XPO5: variants seen among roughly 807,000 people sequenced by gnomAD.
XPO5 encodes exportin 5.
XPO5 carries 46 observed loss-of-function variants against 160.6 expected under a neutral mutation model. The ratio of observed to expected loss-of-function variants is 0.29; its 90% CI spans 0.23 to 0.37. XPO5 has a LOEUF of 0.37. XPO5 is among the 10% of genes least tolerant of loss of function. The pLI, the probability that XPO5 is intolerant of heterozygous loss-of-function variation, is 1.00. For synonymous variants in XPO5, 537 were observed against 519.3 expected, an observed-to-expected ratio of 1.03 and a Z score of -0.46; for missense variants, 1,090 against 1,463.9, an observed-to-expected ratio of 0.74 and a Z score of 4.17.
chr6:43,527,903 ACT>A (rs1310486528), intron 25 of XPO5, among the ~76,000 whole-genome samples, 172 bp from the exon 26 acceptor site: 10 of 152,170 alleles, frequency 6.6e-5, no homozygotes, highest in African/African-American at 9.7e-5. Context: ...ATTACTAGTG[ACT>A]CTGTCCAGTT....
chr6:43,563,205 G>C (rs1762500848), intron 8 of XPO5, among the ~76,000 whole-genome samples: 1 of 152,156 alleles, frequency 6.6e-6, no homozygotes, highest in South Asian at 2.1e-4. Flanking sequence ...GCTCACTGAA[G>C]CCTCAAACTA....
intron 20 of XPO5, 113 bp downstream of exon 20, chr6:43,546,458 A>G (rs1794968998): frequency 9.5e-7 from 1 of 1,051,140 alleles, no homozygotes; most frequent in Non-Finnish European, 1.3e-6. Context: ...ATAAGACTTA[A>G]ATCAATCCCT....
Position 43,572,526 on chromosome 6 carries a change from C to A in XPO5, c.280G>T (p.Val94Phe). Residue 94 changes from valine to phenylalanine, a missense_variant, in exon 3 of 32, where the codon GTC becomes TTC. By Grantham distance (50) the Val-to-Phe change is conservative. Coordinates refer to ENST00000265351, the MANE Select transcript of XPO5 (RefSeq NM_020750.3). ...CTTACATTTGCAATCAGCTCCATGA[C>A]ACTGTTCTTCAGATACACCTTCTCC... ...RLEKVYLKNS[V>F]MELIANGTLN... The A allele has an allele frequency of 6.2e-7, 1 of 1,613,960 alleles. No individual in the cohort carries two copies. Among genetic ancestry groups the A allele is most frequent in the Non-Finnish European group, 8.5e-7 (1 of 1,179,888 alleles).
Position 43,542,398 on chromosome 6 carries a change from GTAAT to G in XPO5, c.2342+4169_2342+4172del, listed in dbSNP as rs954013975. Among the ~76,000 whole-genome samples, 8 of 151,942 alleles carry G rather than the reference GTAAT, an allele frequency of 5.3e-5. 1 individual carries two copies. The highest frequency in any genetic ancestry group is 1.3e-4 in the Admixed American group (2 of 15,254). On this transcript the variant is annotated intron_variant, in intron 20 of 31. Coordinates refer to ENST00000265351, the MANE Select transcript of XPO5 (RefSeq NM_020750.3). ...CAAACTTTTCTCTACTAAAAAAATA[GTAAT>G]TTATTTATTTTTCAATTTTTTTTTT...
intron 8 of XPO5, among the ~76,000 whole-genome samples, chr6:43,563,386 TG>T: frequency 6.6e-6 from 1 of 152,302 alleles, no homozygotes; most frequent in South Asian, 2.1e-4. Flanking sequence ...CTTCACGGCT[TG>T]GCCTCCCAAA....
At chr6:43,566,125 G>A (rs959375682) in intron 7 of XPO5, among the ~76,000 whole-genome samples, 1 of 152,150 alleles carries the variant, frequency 6.6e-6, no homozygotes, top group African/African-American at 2.4e-5. Flanking sequence ...AGGTGCCGTG[G>A]CTCACACCTG....
intron 6 of XPO5, among the ~76,000 whole-genome samples, chr6:43,567,755 T>A (rs1319481790): frequency 1.3e-5 from 2 of 150,562 alleles, no homozygotes; most frequent in Admixed American, 6.6e-5. Context: ...TAAAATAAAA[T>A]AAAAAAAATA....
intron 14 of XPO5, among the ~76,000 whole-genome samples, chr6:43,552,704 C>A (rs1226121308): frequency 6.6e-6 from 1 of 152,156 alleles, no homozygotes; most frequent in East Asian, 1.9e-4. Context: ...TATCTTTTGT[C>A]TATTTCTCTA....
intron 20 of XPO5, among the ~76,000 whole-genome samples, chr6:43,542,318 T>C (rs1188091315): frequency 1.3e-5 from 2 of 152,192 alleles, no homozygotes; most frequent in African/African-American, 2.4e-5. Context: ...ACACCTTCTA[T>C]TATCAGATTA....
At chr6:43,528,121 A>G in intron 25 of XPO5, 38 bp downstream of exon 25, 2 of 1,569,694 alleles carry the variant, frequency 1.3e-6, no homozygotes, top group Non-Finnish European at 1.7e-6. Context: ...CCTGGCTGCC[A>G]GTTCATCCAC....
chr6:43,545,402 T>C (rs750760010), intron 20 of XPO5, among the ~76,000 whole-genome samples: 4 of 152,088 alleles, frequency 2.6e-5, no homozygotes, highest in Non-Finnish European at 1.5e-5. Flanking sequence ...GCTCTAACAA[T>C]GTAATTTAAA....
chr6:43,539,688 C>T (rs1011568883), intron 20 of XPO5: 13 of 800,606 alleles, frequency 1.6e-5, no homozygotes, highest in Admixed American at 2.8e-5. Context: ...CCCACTGCAC[C>T]GGCGTCATCC....
intron 2 of XPO5, among the ~76,000 whole-genome samples, chr6:43,572,863 C>T (rs900618984): frequency 6.6e-6 from 1 of 152,128 alleles, no homozygotes; most frequent in African/African-American, 2.4e-5. Context: ...ATTGATGGGC[C>T]AAAAGTGAAT....
At position 43,570,553 on chromosome 6, in the gene XPO5, G is replaced by C; in HGVS notation, c.570C>G (p.Phe190Leu). The C allele has an allele frequency of 6.2e-7, 1 of 1,613,698 alleles. No homozygotes were observed. Among genetic ancestry groups the C allele is most frequent in the Non-Finnish European group, 8.5e-7 (1 of 1,179,826 alleles). ...CTTGAAGTGTGTTAAGCAGAAAACT[G>C]AAGATCCTTTCCATGTTCTGGGTTA... is the stretch of plus-strand genomic sequence containing the variant. ...QTLTQNMERIFSFLLNTLQEN... is the reference protein window; with the variant it reads ...QTLTQNMERILSFLLNTLQEN... The change falls in exon 5 of 32, where the codon TTC becomes TTG. Residue 190 changes from phenylalanine to leucine, a missense_variant. Transcript: ENST00000265351.
intron 20 of XPO5, among the ~76,000 whole-genome samples, chr6:43,537,505 T>A (rs973959042): frequency 1.3e-5 from 2 of 152,198 alleles, no homozygotes; most frequent in Non-Finnish European, 2.9e-5. Flanking sequence ...CAACTCTGCA[T>A]TGAAGCGCAA....
At chr6:43,563,483 T>C (rs1762516774) in intron 8 of XPO5, among the ~76,000 whole-genome samples, 1 of 152,192 alleles carries the variant, frequency 6.6e-6, no homozygotes, top group African/African-American at 2.4e-5. Flanking sequence ...ATGGAAGCCC[T>C]TACAGTCATG....
In XPO5 at chr6:43,523,762, CAGT is replaced by C. The variant is rs747888842; in HGVS notation, c.*103_*105del. On this transcript the variant is annotated 3_prime_UTR_variant, in exon 32 of 32. Transcript: ENST00000265351. The stretch of plus-strand genomic sequence containing the variant: ...AGACCTGGATCTCTTTCCAGGCTGA[CAGT>C]GGTGGAAAGTGAGGTGGCAGTGCAA... 1.5e-5 allele frequency: 23 copies of C among 1,567,772 alleles called. No homozygotes were observed. The Admixed American group carries it at 3.3e-4, about 23-fold the overall frequency.
intron 12 of XPO5, among the ~76,000 whole-genome samples, chr6:43,557,288 T>C (rs1300668862): frequency 2.0e-5 from 3 of 151,760 alleles, no homozygotes; most frequent in African/African-American, 7.3e-5. Flanking sequence ...TGGCTGGGTA[T>C]GATGGCACGT....
chr6:43,538,701 C>G, intron 20 of XPO5: 1 of 447,090 alleles, frequency 2.2e-6, no homozygotes, highest in Non-Finnish European at 3.9e-6. Context: ...CTCTTTGGTA[C>G]TGTTAATGTC....
Sources: allele counts gnomAD v4.1 joint callset (sites outside exome capture counted in the v4.1 genomes callset), GRCh38; gene constraint gnomAD v4.1.1; transcripts MANE v1.5; gene names NCBI Gene and HGNC (gene_info 2026-07-23, HGNC 2026-07-21).